Variants in ANXA7 observed in about 807,000 individuals in gnomAD.
ANXA7 encodes annexin A7, also known as annexin VII.
A neutral mutation model predicts 64.9 loss-of-function variants in ANXA7; 55 were observed. That is an observed-to-expected ratio of 0.85 (90% CI 0.68 to 1.06). ANXA7 has a LOEUF of 1.06. ANXA7 is among the 50% of genes least tolerant of loss of function. The pLI is 0.00. For synonymous variants in ANXA7, 200 were observed against 192.4 expected (o/e 1.04, Z -0.33); for missense variants, 548 against 582.1 (o/e 0.94, Z 0.60).
At chr10:73,380,325 G>A in intron 9 of ANXA7, 124 bp from the exon 10 acceptor site, 1 of 935,528 alleles carries the variant, frequency 1.1e-6, no homozygotes, top group Non-Finnish European at 1.6e-6. Flanking sequence ...ATAGGGTCTT[G>A]CTCTGTCACT....
At chr10:73,406,024 C>A (rs903354420) in intron 1 of ANXA7, among the ~76,000 whole-genome samples, 8 of 151,738 alleles carry the variant, frequency 5.3e-5, no homozygotes, top group Admixed American at 5.3e-4. Flanking sequence ...GGTGCAATCT[C>A]GGCTCACTGC....
Position 73,376,093 on chromosome 10 carries a change from T to TCCTACTG in ANXA7, c.1396_*1dup, listed in dbSNP as rs2055164635. Reference sequence around the variant, plus strand: ...TTTTCATTAAAAAAAAAAAAATCCCTCCTACTGGCCCACAATAGCCAGAAG... The same window carrying TCCTACTG: ...TTTTCATTAAAAAAAAAAAAATCCCTCCTACTGCCTACTGGCCCACAATAGCCAGAAG... On this transcript the variant is annotated 3_prime_UTR_variant, in exon 13 of 13. Coordinates refer to ENST00000372921, the MANE Select transcript of ANXA7 (RefSeq NM_001156.5). 1 of 1,552,786 alleles carries TCCTACTG rather than the reference T, an allele frequency of 6.4e-7. No individual in the cohort carries two copies. The highest frequency in any genetic ancestry group is 8.6e-7 in the Non-Finnish European group (1 of 1,156,420).
chr10:73,399,455 T>C (rs568594366), intron 2 of ANXA7, among the ~76,000 whole-genome samples: 43 of 152,330 alleles, frequency 2.8e-4, no homozygotes, highest in African/African-American at 9.4e-4. Context: ...AGGATACATA[T>C]TATCATAAAC....
In ANXA7 at chr10:73,378,983, C is replaced by T; in HGVS notation, c.1206G>A (p.Arg402=). 4 of 1,613,354 alleles carry T rather than the reference C, an allele frequency of 2.5e-6. No homozygotes were observed. The highest frequency in any genetic ancestry group is 3.4e-6 in the Non-Finnish European group (4 of 1,179,666). Residue 402 remains arginine (R), a synonymous_variant, in exon 12 of 13, where the codon AGG becomes AGA. Transcript: ENST00000372921. ...ALNRPAFFAE[R]LYYAMKGAGT... ...CAGCACCTTTCATAGCATAGTAGAG[C>T]CTCTCAGCAAAGAAGGCAGGGCGGT...
At chr10:73,384,120 CA>C (rs1244931263) in intron 7 of ANXA7, among the ~76,000 whole-genome samples, 27 of 128,002 alleles carry the variant, frequency 2.1e-4, no homozygotes, top group East Asian at 4.5e-4. Flanking sequence ...GACTCCGTCT[CA>C]AAAAAAAAAA....
At chr10:73,403,095 T>C (rs1294277646) in intron 1 of ANXA7, among the ~76,000 whole-genome samples, 1 of 152,248 alleles carries the variant, frequency 6.6e-6, no homozygotes, top group Admixed American at 6.5e-5. Flanking sequence ...AGTGCTGGGA[T>C]TATAGGCGTG....
chr10:73,393,854 G>C lies in ANXA7; in HGVS notation c.435+2665C>G, dbSNP rs557880903. Among the ~76,000 whole-genome samples the C allele has an allele frequency of 7.8e-3, 1,183 of 152,216 alleles. 13 individuals carry two copies. Among genetic ancestry groups the C allele is most frequent in the African/African-American group, 0.026 (1,097 of 41,536 alleles). ...CAATGGCAACAAAAGCCAAAATTAA[G>C]AAATGGGATCTAATTAAACCAAAGA... On this transcript the variant is annotated intron_variant, in intron 5 of 12. Transcript: ENST00000372921.
At chr10:73,382,898 T>C (rs1196663867) in intron 9 of ANXA7, among the ~76,000 whole-genome samples, 1 of 152,154 alleles carries the variant, frequency 6.6e-6, no homozygotes, top group African/African-American at 2.4e-5. Flanking sequence ...AAATGTACAG[T>C]TTCATCCCCA....
chr10:73,408,294 G>GA (rs1272295143), intron 1 of ANXA7: 1 of 144,860 alleles, frequency 6.9e-6, no homozygotes, highest in African/African-American at 2.6e-5. Context: ...CACTCCAGTT[G>GA]AAAGAAAAGA....
Position 73,383,702 on chromosome 10 carries a change from C to T in ANXA7, c.634-12G>A, listed in dbSNP as rs777227063. 1 of 1,507,438 alleles carries T rather than the reference C, an allele frequency of 6.6e-7. No individual in the cohort carries two copies. The highest frequency in any genetic ancestry group is 2.3e-5 in the East Asian group (1 of 44,230). The allele number at this position is 1,507,438 out of a possible 1,614,324, so 93.4% of individuals were successfully genotyped here. A position where few individuals can be genotyped will look rare whatever the true frequency, so the allele number is the denominator to read the frequency against. On this transcript the variant is annotated splice_polypyrimidine_tract_variant and intron_variant, in intron 7 of 12. Coordinates refer to ENST00000372921, the MANE Select transcript of ANXA7 (RefSeq NM_001156.5). ...TCTTTGATTAAATCCTATTTAATCA[C>T]AAATACAAGCTAAGTATATGTGTTC...
intron 12 of ANXA7, among the ~76,000 whole-genome samples, chr10:73,377,776 GTGTGT>G (rs1564519426): frequency 4.8e-5 from 7 of 145,006 alleles, no homozygotes; most frequent in African/African-American, 1.8e-4. Flanking sequence ...GGGTGTGGGT[GTGTGT>G]GTGTGTGTGT....
At position 73,383,179 on chromosome 10, in the gene ANXA7, C is replaced by T; in HGVS notation, c.914G>A (p.Cys305Tyr). 6.2e-7 allele frequency: 1 copy of T among 1,611,756 alleles called. No homozygotes were observed. The highest frequency in any genetic ancestry group is 2.2e-5 in the East Asian group (1 of 44,826). ...GHFERLLVSMCQGNRDENQSI... is the reference protein window; with the variant it reads ...GHFERLLVSMYQGNRDENQSI... ...AAGCATTCATACTATACTCACCTGG[C>T]ACATGGACACAAGTAAACGTTCAAA... is the stretch of plus-strand genomic sequence containing the variant. The change falls in exon 9 of 13, where the codon TGC becomes TAC. Residue 305 changes from cysteine to tyrosine, a missense_variant. By Grantham distance (194) the Cys-to-Tyr change is radical (BLOSUM62 -2). Transcript: ENST00000372921.
chr10:73,395,427 T>C lies in ANXA7; in HGVS notation c.435+1092A>G, dbSNP rs539214898. On this transcript the variant is annotated intron_variant, in intron 5 of 12. Transcript: ENST00000372921. ...TCAAGTATACTGCTTATTTTGTTCC[T>C]AGTAACTTGCATAGGCTATAAAAAA... is the stretch of plus-strand genomic sequence containing the variant. Among the ~76,000 whole-genome samples, 10 of 152,316 alleles carry C rather than the reference T, an allele frequency of 6.6e-5. No homozygotes were observed. In the South Asian group the frequency reaches 1.0e-3, roughly 16 times the overall value.
At chr10:73,387,838 G>T in intron 6 of ANXA7, 55 bp from the exon 7 acceptor site, 73 of 938,978 alleles carry the variant, frequency 7.8e-5, no homozygotes, top group Non-Finnish European at 1.2e-4. Flanking sequence ...GGTGCTGCTT[G>T]AGGTCATCTT....
intron 5 of ANXA7, among the ~76,000 whole-genome samples, chr10:73,393,546 G>A (rs1401516684): frequency 5.3e-5 from 8 of 151,862 alleles, no homozygotes; most frequent in African/African-American, 1.5e-4. Flanking sequence ...GCCCTCAGAA[G>A]TAATACCACA....
chr10:73,378,279 G>C (rs2055218200), intron 12 of ANXA7, among the ~76,000 whole-genome samples: 2 of 151,418 alleles, frequency 1.3e-5, no homozygotes, highest in Admixed American at 1.3e-4. Flanking sequence ...TCGAGAGGCT[G>C]AGGTGACAGA....
chr10:73,398,608 G>C (rs1270635338), intron 2 of ANXA7, among the ~76,000 whole-genome samples: 2 of 151,716 alleles, frequency 1.3e-5, no homozygotes, highest in African/African-American at 4.8e-5. Flanking sequence ...CTTGAGTCAG[G>C]CAAGAGGGGT....
intron 1 of ANXA7, among the ~76,000 whole-genome samples, chr10:73,404,686 G>A (rs2055724198): frequency 6.6e-6 from 1 of 150,692 alleles, no homozygotes; most frequent in Non-Finnish European, 1.5e-5. Flanking sequence ...AATGGAGCTA[G>A]TGTGGATAAA....
chr10:73,397,124 A>G (rs1391375261), intron 4 of ANXA7, 40 bp downstream of exon 4: 1 of 1,184,092 alleles, frequency 8.4e-7, no homozygotes, highest in Non-Finnish European at 1.2e-6. Context: ...AAAACTCAAA[A>G]TATCATGATA....
Sources: gnomAD v4.1 joint callset for allele counts (sites outside exome capture counted in the v4.1 genomes callset) on GRCh38, gnomAD v4.1.1 for gene constraint, MANE v1.5 for transcripts, NCBI Gene and HGNC (gene_info 2026-07-23, HGNC 2026-07-21) for gene names.